SCD: variants seen among roughly 807,000 people sequenced by gnomAD.
SCD encodes the protein acyl-CoA desaturase.
A neutral mutation model predicts 35.7 loss-of-function variants in SCD; 4 were observed. That is an observed-to-expected ratio of 0.11 (90% CI 0.06 to 0.26). SCD has a LOEUF of 0.26. SCD is among the 10% of genes least tolerant of loss of function. SCD has a pLI of 1.00. For synonymous variants in SCD, 150 were observed against 170.2 expected, an observed-to-expected ratio of 0.88 and a Z score of 0.92; for missense variants, 282 against 460.7, an observed-to-expected ratio of 0.61 and a Z score of 3.55.
At chr10:100,348,600 G>A (rs640773) in intron 2 of SCD, among the ~76,000 whole-genome samples, 6,713 of 152,190 alleles carry the variant, frequency 0.044, 308 homozygotes, top group East Asian at 0.12. Flanking sequence ...CTGTGCTGGA[G>A]AGTCAGCTTT....
At position 100,347,484 on chromosome 10, in the gene SCD, T is replaced by C. The variant is rs1216920188; in HGVS notation, c.-21T>C. On this transcript the variant is annotated 5_prime_UTR_variant, in exon 1 of 6. Coordinates refer to ENST00000370355, the MANE Select transcript of SCD (RefSeq NM_005063.5). ...GGAGCCTCAGCCCCCTGGAAAGTGA[T>C]CCCGGCATCCGAGAGCCAAGATGCC... 2 of 1,613,488 alleles carry C rather than the reference T, an allele frequency of 1.2e-6. No individual in the cohort carries two copies. Among genetic ancestry groups the C allele is most frequent in the East Asian group, 4.5e-5 (2 of 44,840 alleles).
rs1056313023 is a variant in SCD at position 100,356,088 on chromosome 10, A to C, written c.648-444A>C. Reference sequence around the variant, plus strand: ...TGGTATTATGCTCTAGTAAAAAGTCAGCGATGGCCGGGCATGGTGGCTCAT... The same window carrying C: ...TGGTATTATGCTCTAGTAAAAAGTCCGCGATGGCCGGGCATGGTGGCTCAT... On this transcript the variant is annotated intron_variant, in intron 4 of 5. Transcript: ENST00000370355. The surrounding 1 kb of genome is among the most constrained non-coding windows in gnomAD (Gnocchi z 4.1). Among the ~76,000 whole-genome samples, 4 of 152,192 alleles carry C rather than the reference A, an allele frequency of 2.6e-5. No individual in the cohort carries two copies. The highest frequency in any genetic ancestry group is 9.7e-5 in the African/African-American group (4 of 41,438).
At chr10:100,347,594 C>G in intron 1 of SCD, 63 bp downstream of exon 1, 1 of 1,597,708 alleles carries the variant, frequency 6.3e-7, no homozygotes, top group South Asian at 1.1e-5. Context: ...TTCCAGGGGA[C>G]GGGTTGGTGG....
intron 3 of SCD, 27 bp from the exon 4 acceptor site, chr10:100,354,400 T>C: frequency 6.2e-7 from 1 of 1,600,098 alleles, no homozygotes; most frequent in Non-Finnish European, 8.6e-7. Flanking sequence ...TCCTCAAGCC[T>C]TACATTCCTC....
At chr10:100,354,007 A>G (rs981878753) in intron 3 of SCD, among the ~76,000 whole-genome samples, 3 of 152,370 alleles carry the variant, frequency 2.0e-5, no homozygotes, top group South Asian at 2.1e-4. Context: ...GCTGCAGCTT[A>G]TCTACTGATT....
intron 4 of SCD, among the ~76,000 whole-genome samples, chr10:100,355,125 C>T (rs1849914757): frequency 6.6e-6 from 1 of 152,150 alleles, no homozygotes; most frequent in South Asian, 2.1e-4. Flanking sequence ...GTCTCACTCA[C>T]TATATTGCCC....
intron 5 of SCD, among the ~76,000 whole-genome samples, chr10:100,357,810 C>T (rs1182463561): frequency 6.6e-6 from 1 of 151,936 alleles, no homozygotes; most frequent in African/African-American, 2.4e-5. Context: ...AGACTTTCAC[C>T]AAGGCCCTGA....
Position 100,348,359 on chromosome 10 carries a change from C to G in SCD, c.310+13C>G. The G allele has an allele frequency of 6.2e-7, 1 of 1,611,484 alleles. No individual in the cohort carries two copies. Among genetic ancestry groups the G allele is most frequent in the South Asian group, 1.1e-5 (1 of 90,966 alleles). On this transcript the variant is annotated intron_variant, in intron 2 of 5. Transcript: ENST00000370355. ...ACCTGGCTTTGGGGTAAGCAGCCTC[C>G]CTGTCCTCCTGACCTAGTCCTCCAG...
At position 100,362,282 on chromosome 10, in the gene SCD, A is replaced by T. The variant is rs1293287555; in HGVS notation, c.*1349A>T. 1 of 152,210 alleles carries T rather than the reference A, an allele frequency of 6.6e-6. No individual in the cohort carries two copies. Among genetic ancestry groups the T allele is most frequent in the Non-Finnish European group, 1.5e-5 (1 of 68,042 alleles). The allele number at this position is 152,210 out of a possible 1,614,324, so 9.4% of individuals were successfully genotyped here. On this transcript the variant is annotated 3_prime_UTR_variant, in exon 6 of 6. Coordinates refer to ENST00000370355, the MANE Select transcript of SCD (RefSeq NM_005063.5). ...GTTATTGGGAGTCTTAATAAAATAA[A>T]CTAGATATTAGGTCCATTCATTAAT... is the stretch of plus-strand genomic sequence containing the variant.
rs926222890 is a variant in SCD, at chr10:100,352,183, G to T, written c.311-183G>T. ...TTTTTTTCCTGGGTTGAGAGGTTGG[G>T]GGGTGATATTTTTCAAGTGGTAAAA... On this transcript the variant is annotated intron_variant, in intron 2 of 5. Coordinates refer to ENST00000370355, the MANE Select transcript of SCD (RefSeq NM_005063.5). This position sits in a 1 kb window ranked among gnomAD's most constrained non-coding sequence, Gnocchi z 4.2. Among the ~76,000 whole-genome samples, 3 of 152,066 alleles carry T rather than the reference G, an allele frequency of 2.0e-5. No homozygotes were observed. The highest frequency in any genetic ancestry group is 2.9e-5 in the Non-Finnish European group (2 of 68,008).
At position 100,356,793 on chromosome 10, in the gene SCD, T is replaced by C. The variant is rs201166903; in HGVS notation, c.880+29T>C. 3.9e-6 allele frequency: 6 copies of C among 1,540,066 alleles called. No individual in the cohort carries two copies. In the African/African-American group the frequency reaches 8.2e-5, roughly 21 times the overall value. Reference sequence around the variant, plus strand: ...AGTCAGCTGTCCAAGTAAGACTACATCCAGTGGTCTGCTGATTAGGGGATT... The same window carrying C: ...AGTCAGCTGTCCAAGTAAGACTACACCCAGTGGTCTGCTGATTAGGGGATT... On this transcript the variant is annotated intron_variant, in intron 5 of 5. Transcript: ENST00000370355. This position sits in a 1 kb window ranked among gnomAD's most constrained non-coding sequence, Gnocchi z 4.1.
chr10:100,358,690 C>T (rs539899384), intron 5 of SCD, among the ~76,000 whole-genome samples: 3 of 144,674 alleles, frequency 2.1e-5, no homozygotes, highest in Admixed American at 7.0e-5. Flanking sequence ...GGGTGGTTCA[C>T]TTGAGGTCAG....
chr10:100,357,841 T>C (rs1276356400), intron 5 of SCD, among the ~76,000 whole-genome samples: 1 of 152,160 alleles, frequency 6.6e-6, no homozygotes, highest in Non-Finnish European at 1.5e-5. Flanking sequence ...CTTAAATAGA[T>C]CTGGCGACCT....
At chr10:100,357,846 C>A (rs940280179) in intron 5 of SCD, among the ~76,000 whole-genome samples, 1 of 152,044 alleles carries the variant, frequency 6.6e-6, no homozygotes, top group Non-Finnish European at 1.5e-5. Flanking sequence ...ATAGATCTGG[C>A]GACCTCTTCT....
At chr10:100,357,646 C>CTTTCT (rs961887140) in intron 5 of SCD, among the ~76,000 whole-genome samples, 3 of 151,924 alleles carry the variant, frequency 2.0e-5, no homozygotes, top group Admixed American at 1.3e-4. Flanking sequence ...CTTTCATTTT[C>CTTTCT]TTTCTTTTCT....
At chr10:100,359,122 C>T (rs757290434) in intron 5 of SCD, among the ~76,000 whole-genome samples, 1 of 152,090 alleles carries the variant, frequency 6.6e-6, no homozygotes, top group Admixed American at 6.5e-5. Context: ...GCAAATGGAT[C>T]TATAATGACC....
intron 2 of SCD, among the ~76,000 whole-genome samples, chr10:100,351,261 C>T (rs1386817142): frequency 6.6e-6 from 1 of 152,176 alleles, no homozygotes; most frequent in African/African-American, 2.4e-5. Flanking sequence ...CCTGAGCCTG[C>T]AGGCCTCCAG....
intron 4 of SCD, 148 bp downstream of exon 4, chr10:100,354,780 A>G (rs1294845605): frequency 1.2e-5 from 8 of 647,878 alleles, no homozygotes; most frequent in Non-Finnish European, 1.9e-5. Context: ...CCCAATTTTT[A>G]ACATCCCACG....
chr10:100,358,603 A>AAC (rs1411063575), intron 5 of SCD, among the ~76,000 whole-genome samples: 1 of 150,308 alleles, frequency 6.7e-6, no homozygotes, highest in Non-Finnish European at 1.5e-5. Flanking sequence ...CGTCTCAAAA[A>AAC]AAAAAAAAAA....
Sources: allele counts gnomAD v4.1 joint callset (sites outside exome capture counted in the v4.1 genomes callset), GRCh38; gene constraint gnomAD v4.1.1; non-coding constraint Gnocchi (gnomAD v3.1); transcripts MANE v1.5; gene names NCBI Gene and HGNC (gene_info 2026-07-23, HGNC 2026-07-21).